The following TMEM272 variants were observed in gnomAD, a reference collection of about 807,000 sequenced individuals.
The protein encoded by TMEM272 is transmembrane protein 272.
Under a neutral mutation model 3.7 loss-of-function variants are expected in TMEM272, and 8 were observed. The observed-to-expected ratio is 2.17, with a 90% CI of 1.27 to 3.91. The LOEUF is 3.91. Ranked by LOEUF, TMEM272 falls within the 30% of genes most tolerant of loss-of-function variation. TMEM272 has a pLI of 0.00. For missense variants in TMEM272, 166 were observed against 91.5 expected, an observed-to-expected ratio of 1.81 and a Z score of -3.32; for synonymous variants, 63 against 39.8, an observed-to-expected ratio of 1.58 and a Z score of -2.20.
the TMEM272 span, among the ~76,000 whole-genome samples, chr13:51,902,150 G>T: frequency 6.6e-6 from 1 of 152,198 alleles, no homozygotes; most frequent in Non-Finnish European, 1.5e-5. Flanking sequence ...TTGGATGAAA[G>T]AATAAATATA....
At chr13:51,925,826 G>A in the TMEM272 span, among the ~76,000 whole-genome samples, 5 of 152,020 alleles carry the variant, frequency 3.3e-5, no homozygotes, top group African/African-American at 9.7e-5. Context: ...AGCTGAGACC[G>A]GACATGATTT....
At chr13:51,914,201 A>ACAC in the TMEM272 span, among the ~76,000 whole-genome samples, 1 of 152,256 alleles carries the variant, frequency 6.6e-6, no homozygotes, top group African/African-American at 2.4e-5. Flanking sequence ...CACCAGTTCC[A>ACAC]CGGGTGCTAC....
chr13:51,849,442 G>A (rs1352595056), upstream of TMEM272, among the ~76,000 whole-genome samples: 1 of 152,216 alleles, frequency 6.6e-6, no homozygotes, highest in East Asian at 1.9e-4. Context: ...TAACACTACT[G>A]AGCTGTACAT....
At chr13:51,873,342 T>C in the TMEM272 span, among the ~76,000 whole-genome samples, 1 of 152,150 alleles carries the variant, frequency 6.6e-6, no homozygotes, top group Non-Finnish European at 1.5e-5. Context: ...AAAATATAAA[T>C]AGCACCGAAT....
At chr13:51,928,216 G>C in the TMEM272 span, among the ~76,000 whole-genome samples, 3 of 152,158 alleles carry the variant, frequency 2.0e-5, no homozygotes, top group Non-Finnish European at 4.4e-5. Flanking sequence ...ACTTCCTCTG[G>C]CCCAACATAG....
chr13:51,893,463 CCTGCTG>C, the TMEM272 span, among the ~76,000 whole-genome samples: 3 of 152,312 alleles, frequency 2.0e-5, no homozygotes, highest in South Asian at 6.2e-4. Flanking sequence ...TTCACCAGGA[CCTGCTG>C]CTTCAGAATC....
chr13:51,902,208 G>GAA, the TMEM272 span, among the ~76,000 whole-genome samples: 1 of 152,226 alleles, frequency 6.6e-6, no homozygotes, highest in East Asian at 1.9e-4. Context: ...GAAGCAAAAT[G>GAA]AAAAAAAGCA....
the TMEM272 span, among the ~76,000 whole-genome samples, chr13:51,906,213 G>A: frequency 1.3e-5 from 2 of 152,214 alleles, no homozygotes; most frequent in African/African-American, 4.8e-5. Context: ...GGGACTCCCT[G>A]AGGCATCTAA....
chr13:51,855,957 C>A, the TMEM272 span, among the ~76,000 whole-genome samples: 1 of 152,188 alleles, frequency 6.6e-6, no homozygotes, highest in East Asian at 1.9e-4. Flanking sequence ...ACAGAAAAAT[C>A]AATTCACTGA....
the TMEM272 span, among the ~76,000 whole-genome samples, chr13:51,859,586 T>C: frequency 6.6e-6 from 1 of 150,992 alleles, no homozygotes; most frequent in Admixed American, 6.6e-5. Context: ...CATCAGTTCA[T>C]GGAGATCTCT....
the TMEM272 span, among the ~76,000 whole-genome samples, chr13:51,908,035 G>C: frequency 6.6e-6 from 1 of 151,968 alleles, no homozygotes; most frequent in African/African-American, 2.4e-5. Flanking sequence ...AAATAAAATG[G>C]AAATAATTTA....
At chr13:51,845,349 C>G (rs186096631), upstream of TMEM272, among the ~76,000 whole-genome samples, 1 of 152,096 alleles carries the variant, frequency 6.6e-6, no homozygotes, top group Non-Finnish European at 1.5e-5. Context: ...GGAATTCCCG[C>G]GGGAAACATT....
the TMEM272 span, chr13:51,865,771 G>C: frequency 6.2e-7 from 1 of 1,614,168 alleles, no homozygotes; most frequent in African/African-American, 1.3e-5. Flanking sequence ...TCTGGAAGGA[G>C]GATAAGGCCT....
the TMEM272 span, among the ~76,000 whole-genome samples, chr13:51,887,852 G>A: frequency 6.6e-6 from 1 of 152,132 alleles, no homozygotes; most frequent in African/African-American, 2.4e-5. Flanking sequence ...GGCAAGTTGG[G>A]CCATTTCTAG....
chr13:51,842,771 C>T (rs1332909772), intron 1 of TMEM272, among the ~76,000 whole-genome samples: 1 of 152,240 alleles, frequency 6.6e-6, no homozygotes, highest in African/African-American at 2.4e-5. Context: ...TCAGAACTCT[C>T]ATTTTCACAG....
the TMEM272 span, among the ~76,000 whole-genome samples, chr13:51,859,329 T>C: frequency 6.6e-6 from 1 of 152,090 alleles, no homozygotes; most frequent in African/African-American, 2.4e-5. Context: ...CCTGAGAATT[T>C]GGGTCACATG....
At chr13:51,865,378 C>G in the TMEM272 span, 1 of 1,584,044 alleles carries the variant, frequency 6.3e-7, no homozygotes, top group Non-Finnish European at 8.6e-7. Flanking sequence ...TGTCATCCCT[C>G]ATGGCCACCC....
the TMEM272 span, among the ~76,000 whole-genome samples, chr13:51,871,256 T>C: frequency 4.7e-5 from 7 of 149,786 alleles, no homozygotes; most frequent in Admixed American, 4.0e-4. Context: ...AGTGGCGCAA[T>C]CTCGGCTCAC....
At chr13:51,913,746 C>G in the TMEM272 span, among the ~76,000 whole-genome samples, 6 of 152,212 alleles carry the variant, frequency 3.9e-5, no homozygotes, top group Non-Finnish European at 5.9e-5. Context: ...TTAGCCTTTT[C>G]TCCTGGAAAA....
Sources: allele counts gnomAD v4.1 joint callset (sites outside exome capture counted in the v4.1 genomes callset), GRCh38; gene constraint gnomAD v4.1.1; transcripts MANE v1.5; gene names NCBI Gene and HGNC (gene_info 2026-07-23, HGNC 2026-07-21).